The following SMARCD3 variants were observed in gnomAD, a reference collection of about 807,000 sequenced individuals.
SMARCD3 encodes SWI/SNF-related matrix-associated actin-dependent regulator of chromatin subfamily D member 3.
In SMARCD3, 14 loss-of-function variants were observed where a neutral mutation model predicts 58.0. The ratio of observed to expected loss-of-function variants is 0.24; its 90% CI spans 0.16 to 0.38. SMARCD3 has a LOEUF of 0.38. Among genes scored for constraint, SMARCD3 ranks in the 10% least tolerant of loss-of-function variants. The probability of loss-of-function intolerance (pLI) is 1.00; values close to 1 mark genes in which losing one functional copy is unlikely to be tolerated. For synonymous variants in SMARCD3, 253 were observed against 253.8 expected, an observed-to-expected ratio of 1.00 and a Z score of 0.03; for missense variants, 408 against 636.9, an observed-to-expected ratio of 0.64 and a Z score of 3.87.
chr7:151,240,556 T>G, intron 8 of SMARCD3, 34 bp from the exon 9 acceptor site: 2 of 1,463,002 alleles, frequency 1.4e-6, no homozygotes, highest in Non-Finnish European at 1.9e-6. Context: ...GAGAGATCAC[T>G]CTTCTTGAAG....
At chr7:151,272,711 G>C (rs1391325794) in intron 2 of SMARCD3, among the ~76,000 whole-genome samples, 1 of 152,156 alleles carries the variant, frequency 6.6e-6, no homozygotes, top group Non-Finnish European at 1.5e-5. Context: ...GAAGTGATCA[G>C]CCCTCCTCTA....
chr7:151,270,024 A>G (rs1230899444), intron 2 of SMARCD3, among the ~76,000 whole-genome samples: 1 of 152,168 alleles, frequency 6.6e-6, no homozygotes, highest in African/African-American at 2.4e-5. Context: ...TATTTGAAAG[A>G]GCCAGAGCTG....
At chr7:151,277,131 T>TCGGCTCGGCCCGGCGCC (rs1436288382), upstream of SMARCD3, 1 of 150,652 alleles carries the variant, frequency 6.6e-6, no homozygotes, top group East Asian at 2.0e-4. Context: ...TGCTCGGCGC[T>TCGGCTCGGCCCGGCGCC]CGGCTCGGCC....
rs1222664769 is a variant in SMARCD3, at chr7:151,245,987, A to G, written c.79-316T>C. The G allele has an allele frequency of 4.3e-6, 1 of 233,662 alleles. No individual in the cohort carries two copies. The highest frequency in any genetic ancestry group is 2.3e-5 in the African/African-American group (1 of 44,076). The allele number at this position is 233,662 out of a possible 1,614,324, so 14.5% of individuals were successfully genotyped here. A position where few individuals can be genotyped will look rare whatever the true frequency, so the allele number is the denominator to read the frequency against. On this transcript the variant is annotated intron_variant, in intron 1 of 12. Transcript: ENST00000262188. The surrounding 1 kb of genome is among the most constrained non-coding windows in gnomAD (Gnocchi z 6.2). ...AATGGCGCCTTTCAACCTTTCAAAG[A>G]TGTTCACATCCACATGCTCCTCTGC...
intron 10 of SMARCD3, 87 bp downstream of exon 10, chr7:151,240,025 C>A: frequency 5.9e-5 from 72 of 1,215,902 alleles, no homozygotes; most frequent in Non-Finnish European, 7.4e-5. Flanking sequence ...CCAGACTGCT[C>A]ATCTGCAACC....
chr7:151,253,649 G>A (rs1041879583), upstream of SMARCD3, among the ~76,000 whole-genome samples: 7 of 152,120 alleles, frequency 4.6e-5, no homozygotes, highest in Non-Finnish European at 8.8e-5. Context: ...TGGATTCACA[G>A]CAGGTTTTCT....
intron 1 of SMARCD3, chr7:151,275,372 A>C: frequency 3.5e-6 from 2 of 570,822 alleles, no homozygotes; most frequent in Non-Finnish European, 6.3e-6. Context: ...TGCAGAAAAA[A>C]GGGCCTAGGA....
Position 151,241,289 on chromosome 7 carries a change from A to G in SMARCD3, c.939+203T>C. 1 of 627,034 alleles carries G rather than the reference A, an allele frequency of 1.6e-6. No homozygotes were observed. Among genetic ancestry groups the G allele is most frequent in the Non-Finnish European group, 2.9e-6 (1 of 344,640 alleles). The allele number at this position is 627,034 out of a possible 1,614,324, so 38.8% of individuals were successfully genotyped here. On this transcript the variant is annotated intron_variant, in intron 8 of 12. Transcript: ENST00000262188. This position sits in a 1 kb window ranked among gnomAD's most constrained non-coding sequence, Gnocchi z 5.3. ...TCCTAACTTGGGGGGGCTAACATGG[A>G]TTGGCTGCAGCACAGAGCTAATCCA...
upstream of SMARCD3, among the ~76,000 whole-genome samples, chr7:151,253,614 C>T (rs1361056537): frequency 0.042 from 3 of 72 alleles, no homozygotes; most frequent in Admixed American, 0.12. Flanking sequence ...CTGAGCATCC[C>T]GCTGGCCACA....
At chr7:151,267,710 C>T (rs1170436982) in intron 2 of SMARCD3, among the ~76,000 whole-genome samples, 1 of 152,196 alleles carries the variant, frequency 6.6e-6, no homozygotes, top group African/African-American at 2.4e-5. Flanking sequence ...GGTGCAGTGG[C>T]CCAAGCCTGT....
At position 151,243,540 on chromosome 7, in the gene SMARCD3, T is replaced by C. The variant is rs1394189883; in HGVS notation, c.333+119A>G. The C allele has an allele frequency of 7.0e-6, 5 of 713,904 alleles. No homozygotes were observed. The highest frequency in any genetic ancestry group is 1.3e-5 in the Non-Finnish European group (5 of 396,534). 44.2% of individuals were successfully genotyped at this position (713,904 alleles called of 1,614,324 possible). A position where few individuals can be genotyped will look rare whatever the true frequency, so the allele number is the denominator to read the frequency against. ...TGCGGAGCCTCACTTATTAATGAGC[T>C]TTTTTAAACAAAAAGTGAAAGTGAC... On this transcript the variant is annotated intron_variant, in intron 3 of 12. Transcript: ENST00000262188. The surrounding 1 kb of genome is among the most constrained non-coding windows in gnomAD (Gnocchi z 4.4).
Position 151,245,685 on chromosome 7 carries a change from G to T in SMARCD3, c.79-14C>A. The T allele has an allele frequency of 3.5e-6, 3 of 846,372 alleles. No individual in the cohort carries two copies. The highest frequency in any genetic ancestry group is 6.0e-5 in the South Asian group (1 of 16,758). 52.4% of individuals were successfully genotyped at this position (846,372 alleles called of 1,614,324 possible). A position where few individuals can be genotyped will look rare whatever the true frequency, so the allele number is the denominator to read the frequency against. The stretch of plus-strand genomic sequence containing the variant: ...CATCCCGGGGCGCTGGGGGTGGGCG[G>T]GGGTGAAGCAGAAACGGGCGCCCGT... On this transcript the variant is annotated splice_polypyrimidine_tract_variant and intron_variant, in intron 1 of 12. Transcript: ENST00000262188. The surrounding 1 kb of genome is among the most constrained non-coding windows in gnomAD (Gnocchi z 6.2).
intron 2 of SMARCD3, among the ~76,000 whole-genome samples, chr7:151,272,770 A>G (rs1281720632): frequency 6.6e-6 from 1 of 152,142 alleles, no homozygotes; most frequent in African/African-American, 2.4e-5. Context: ...ATTAGCAAGG[A>G]GCACAGGGGG....
intron 1 of SMARCD3, among the ~76,000 whole-genome samples, chr7:151,247,238 A>G (rs1803312239): frequency 6.6e-6 from 1 of 152,116 alleles, no homozygotes; most frequent in African/African-American, 2.4e-5. Flanking sequence ...CCAGATTAAA[A>G]AAACAGTCCA....
chr7:151,247,538 C>T (rs1266601877), intron 1 of SMARCD3, among the ~76,000 whole-genome samples: 1 of 152,148 alleles, frequency 6.6e-6, no homozygotes, highest in African/African-American at 2.4e-5. Flanking sequence ...CCATGAAAGG[C>T]CAAAATCCTA....
intron 2 of SMARCD3, among the ~76,000 whole-genome samples, chr7:151,266,116 C>T (rs939455967): frequency 1.3e-4 from 20 of 152,064 alleles, no homozygotes; most frequent in African/African-American, 3.6e-4. Flanking sequence ...ATTACAGGCA[C>T]GTGCCACCAG....
upstream of SMARCD3, among the ~76,000 whole-genome samples, chr7:151,252,438 T>TGAGA (rs561194702): frequency 3.0e-5 from 4 of 135,010 alleles, no homozygotes; most frequent in Admixed American, 7.6e-5. Flanking sequence ...TGTGTGTGTG[T>TGAGA]GTGAGAGAGA....
intron 1 of SMARCD3, among the ~76,000 whole-genome samples, chr7:151,275,651 G>A (rs115435237): frequency 1.3e-3 from 194 of 152,290 alleles, no homozygotes; most frequent in African/African-American, 4.3e-3. Context: ...TGGCCCTGGA[G>A]CCCAGGGGCA....
intron 2 of SMARCD3, among the ~76,000 whole-genome samples, chr7:151,244,215 G>A (rs1196780767): frequency 1.3e-5 from 2 of 152,084 alleles, no homozygotes; most frequent in Non-Finnish European, 2.9e-5. Context: ...CAGCCACCCT[G>A]GGCTTGGAAG....
Sources: allele counts gnomAD v4.1 joint callset (sites outside exome capture counted in the v4.1 genomes callset), GRCh38; gene constraint gnomAD v4.1.1; non-coding constraint Gnocchi (gnomAD v3.1); transcripts MANE v1.5; gene names NCBI Gene and HGNC (gene_info 2026-07-23, HGNC 2026-07-21).